ASCL3: variants seen among roughly 807,000 people sequenced by gnomAD.
ASCL3 encodes achaete-scute homolog 3.
A neutral mutation model predicts 2.3 loss-of-function variants in ASCL3; 1 was observed. The ratio of observed to expected loss-of-function variants is 0.44; its 90% confidence interval spans 0.16 to 2.10. ASCL3 has a LOEUF of 2.10. ASCL3 is among the 30% of genes most tolerant of loss of function. ASCL3 has a pLI of 0.28. For missense variants in ASCL3, 243 were observed against 229.0 expected (o/e 1.06, Z -0.40); for synonymous variants, 98 against 88.5 (o/e 1.11, Z -0.60).
At chr11:8,942,724 T>G (rs1853719921) in intron 1 of ASCL3, among the ~76,000 whole-genome samples, 1 of 152,168 alleles carries the variant, frequency 6.6e-6, no homozygotes, top group African/African-American at 2.4e-5. Context: ...GATATGTTGC[T>G]AAGGTTACAA....
Position 8,940,410 on chromosome 11 carries a change from T to A in ASCL3, c.-12-2237A>T, listed in dbSNP as rs566322201. Among the ~76,000 whole-genome samples the A allele has an allele frequency of 3.0e-3, 464 of 152,314 alleles. 4 individuals carry two copies. Among genetic ancestry groups the A allele is most frequent in the Non-Finnish European group, 5.3e-3 (363 of 68,030 alleles). On this transcript the variant is annotated intron_variant, in intron 1 of 1. Coordinates refer to ENST00000531618, the MANE Select transcript of ASCL3 (RefSeq NM_020646.3). ...TCCTGTTTTAAACTACTGTTACTTT[T>A]TGCCTCTGCCTGTAATCATGTAGCA...
At position 8,937,773 on chromosome 11, in the gene ASCL3, C is replaced by A; in HGVS notation, c.389G>T (p.Ser130Ile). Residue 130 changes from serine (S) to isoleucine (I), a missense_variant, in exon 2 of 2, where the codon AGC becomes ATC. By Grantham distance (142) the Ser-to-Ile change is moderately radical. Transcript: ENST00000531618. ...CGCAGCTCTGAGGGTTTCCACTTTG[C>A]TGAGTCGCTTCTCCAAATACTCCTC... The part of the protein sequence containing the change: ...LPEEYLEKRL[S>I]KVETLRAAIK... The A allele has an allele frequency of 6.2e-7, 1 of 1,614,104 alleles. No individual in the cohort carries two copies. Among genetic ancestry groups the A allele is most frequent in the Non-Finnish European group, 8.5e-7 (1 of 1,179,998 alleles).
chr11:8,939,608 TAAATAATAGTACAGGTGG>T (rs918706278), intron 1 of ASCL3, among the ~76,000 whole-genome samples: 5 of 151,966 alleles, frequency 3.3e-5, no homozygotes, highest in Non-Finnish European at 7.4e-5. Context: ...AAAGAGTGAG[TAAATAATAGTACAGGTGG>T]AACAAAGATA....
At chr11:8,939,820 T>A (rs1194152054) in intron 1 of ASCL3, among the ~76,000 whole-genome samples, 1 of 152,118 alleles carries the variant, frequency 6.6e-6, no homozygotes, top group Non-Finnish European at 1.5e-5. Context: ...AAAAAAGGAA[T>A]CATTTGCTCT....
At chr11:8,940,780 A>G (rs1853683147) in intron 1 of ASCL3, among the ~76,000 whole-genome samples, 1 of 152,116 alleles carries the variant, frequency 6.6e-6, no homozygotes, top group Admixed American at 6.5e-5. Flanking sequence ...AAGTACTGAC[A>G]TTTTTTCTTG....
chr11:8,938,214 A>G (rs2064689991), intron 1 of ASCL3, 41 bp from the exon 2 acceptor site: 2 of 1,436,906 alleles, frequency 1.4e-6, no homozygotes, highest in South Asian at 1.3e-5. Context: ...TCAGATAGAG[A>G]GCAGATATGA....
chr11:8,941,401 A>G (rs890737776), intron 1 of ASCL3, among the ~76,000 whole-genome samples: 1 of 152,054 alleles, frequency 6.6e-6, no homozygotes, highest in African/African-American at 2.4e-5. Flanking sequence ...ATTAGATAAT[A>G]TTGGCACTTG....
At position 8,937,684 on chromosome 11, in the gene ASCL3, G is replaced by C. The variant is rs143210191; in HGVS notation, c.478C>G (p.Pro160Ala). 6.2e-7 allele frequency: 1 copy of C among 1,613,884 alleles called. No homozygotes were observed. Among genetic ancestry groups the C allele is most frequent in the African/African-American group, 1.3e-5 (1 of 74,924 alleles). The change falls in exon 2 of 2, where the codon CCT becomes GCT. Residue 160 changes from proline (P) to alanine (A), a missense_variant. Coordinates refer to ENST00000531618, the MANE Select transcript of ASCL3 (RefSeq NM_020646.3). The stretch of plus-strand genomic sequence containing the variant: ...GCTATCATGGAGGAAACTTTTCCAG[G>C]GTTATTCTTGGTCTCAGCTTTATCA... ...YPDKAETKNN[P>A]GKVSSMIATT...
In ASCL3 at chr11:8,937,899, T is replaced by C. The variant is rs201247406; in HGVS notation, c.263A>G (p.Tyr88Cys). ...MPYPNYRGCE[Y>C]SYGPAFTRKR... ...CCGGGTGAAGGCTGGCCCGTAGGAG[T>C]ACTCGCACCCTCTGTAATTTGGATA... is the stretch of plus-strand genomic sequence containing the variant. The change falls in exon 2 of 2, where the codon TAC becomes TGC. Residue 88 changes from tyrosine to cysteine, a missense_variant. Coordinates refer to ENST00000531618, the MANE Select transcript of ASCL3 (RefSeq NM_020646.3). 2 of 1,613,850 alleles carry C rather than the reference T, an allele frequency of 1.2e-6. No individual in the cohort carries two copies. Among genetic ancestry groups the C allele is most frequent in the African/African-American group, 1.3e-5 (1 of 74,886 alleles).
In ASCL3 at chr11:8,937,851, T is replaced by A; in HGVS notation, c.311A>T (p.Gln104Leu). ...GCCTTCATTGACACATTTCACCCGCTGCCTTTCCCGCTCATTCCTTTTCCG... is the reference window on the plus strand; with the variant it reads ...GCCTTCATTGACACATTTCACCCGCAGCCTTTCCCGCTCATTCCTTTTCCG... ...FTRKRNERER[Q>L]RVKCVNEGYA... is the part of the protein sequence containing the mutation. Residue 104 changes from glutamine (Q) to leucine (L), a missense_variant, in exon 2 of 2, where the codon CAG (glutamine) becomes CTG (leucine). Transcript: ENST00000531618. 1 of 1,614,156 alleles carries A rather than the reference T, an allele frequency of 6.2e-7. No homozygotes were observed. Among genetic ancestry groups the A allele is most frequent in the South Asian group, 1.1e-5 (1 of 91,082 alleles).
intron 1 of ASCL3, among the ~76,000 whole-genome samples, chr11:8,938,771 G>A (rs1045952282): frequency 6.7e-6 from 1 of 149,654 alleles, no homozygotes; most frequent in East Asian, 2.0e-4. Context: ...TGCTGAGAAT[G>A]TGTCTTCCAC....
chr11:8,938,465 G>A lies in ASCL3; in HGVS notation c.-12-292C>T, dbSNP rs182101993. Among the ~76,000 whole-genome samples, 592 of 152,058 alleles carry A rather than the reference G, an allele frequency of 3.9e-3. 13 individuals are homozygous for A. The highest frequency in any genetic ancestry group is 0.037 in the Admixed American group (559 of 15,282). The stretch of plus-strand genomic sequence containing the variant: ...GGGATTTCACCATGTTGGCCAGGAT[G>A]GTCTCGATCTCTTGACCTTGTGATC... On this transcript the variant is annotated intron_variant, in intron 1 of 1. Coordinates refer to ENST00000531618, the MANE Select transcript of ASCL3 (RefSeq NM_020646.3).
At chr11:8,942,441 G>A (rs1413041483) in intron 1 of ASCL3, among the ~76,000 whole-genome samples, 1 of 152,070 alleles carries the variant, frequency 6.6e-6, no homozygotes, top group African/African-American at 2.4e-5. Context: ...TAGTGCTGGG[G>A]CTCCATGGTT....
At chr11:8,939,272 G>A (rs991695941) in intron 1 of ASCL3, among the ~76,000 whole-genome samples, 4 of 151,728 alleles carry the variant, frequency 2.6e-5, no homozygotes, top group South Asian at 4.2e-4. Context: ...AGAGTCTCGC[G>A]TTGTTGCCTG....
chr11:8,939,396 C>G (rs892942703), intron 1 of ASCL3, among the ~76,000 whole-genome samples: 1 of 151,898 alleles, frequency 6.6e-6, no homozygotes, highest in African/African-American at 2.4e-5. Flanking sequence ...CCCGCCACCA[C>G]GCCCAGCTAA....
intron 1 of ASCL3, 184 bp from the exon 2 acceptor site, chr11:8,938,357 C>T (rs1016732984): frequency 9.6e-6 from 5 of 522,688 alleles, no homozygotes; most frequent in Non-Finnish European, 1.7e-5. Flanking sequence ...TCAAGCAATT[C>T]TCCTGCCTCA....
In ASCL3 at chr11:8,938,125, T is replaced by G; in HGVS notation, c.37A>C (p.Lys13Gln). The change falls in exon 2 of 2, where the codon AAA (lysine) becomes CAA (glutamine). Residue 13 changes from lysine to glutamine, a missense_variant. Coordinates refer to ENST00000531618, the MANE Select transcript of ASCL3 (RefSeq NM_020646.3). The part of the protein sequence containing the change: ...DNRGNSSLPD[K>Q]LPIFPDSARL... ...GCAGAATCAGGGAAGATAGGAAGTT[T>G]GTCAGGTAGACTAGAGTTGCCTCTG... 1 of 1,610,938 alleles carries G rather than the reference T, an allele frequency of 6.2e-7. No homozygotes were observed. Among genetic ancestry groups the G allele is most frequent in the East Asian group, 2.2e-5 (1 of 44,820 alleles).
intron 1 of ASCL3, among the ~76,000 whole-genome samples, chr11:8,941,575 A>T (rs1024221159): frequency 6.6e-6 from 1 of 151,394 alleles, no homozygotes; most frequent in Non-Finnish European, 1.5e-5. Context: ...GTTAAAGGCT[A>T]TAGTAAGTCA....
chr11:8,937,674 AC>A lies in ASCL3; in HGVS notation c.487del (p.Val163PhefsTer4), dbSNP rs757945996. The A allele has an allele frequency of 6.2e-6, 10 of 1,614,086 alleles. No individual in the cohort carries two copies. In the South Asian group the frequency reaches 9.9e-5, roughly 16 times the overall value. On this transcript the variant is annotated frameshift_variant, in exon 2 of 2. Coordinates refer to ENST00000531618, the MANE Select transcript of ASCL3 (RefSeq NM_020646.3). LOFTEE classifies it low-confidence loss of function (END_TRUNC). ...KAETKNNPGK[V>X]SSMIATTSHH... Reference sequence around the variant, plus strand: ...GCTGGTGGTTGCTATCATGGAGGAAACTTTTCCAGGGTTATTCTTGGTCTCA... The same window carrying A: ...GCTGGTGGTTGCTATCATGGAGGAAATTTTCCAGGGTTATTCTTGGTCTCA...
Sources: gnomAD v4.1 joint callset for allele counts (sites outside exome capture counted in the v4.1 genomes callset) on GRCh38, gnomAD v4.1.1 for gene constraint, MANE v1.5 for transcripts, NCBI Gene and HGNC (gene_info 2026-07-23, HGNC 2026-07-21) for gene names.